Variants in LAP3 observed in about 807,000 individuals in gnomAD.
LAP3 encodes the protein leucine aminopeptidase 3.
In LAP3, 46 loss-of-function variants were observed where a neutral mutation model predicts 58.8. That is an observed-to-expected ratio of 0.78 (90% confidence interval 0.62 to 1.00). LAP3 has a LOEUF of 1.00. Among genes scored for constraint, LAP3 ranks in the 50% least tolerant of loss-of-function variants. LAP3 has a pLI of 0.00. For synonymous variants in LAP3, 257 were observed against 237.7 expected, an observed-to-expected ratio of 1.08 and a Z score of -0.75; for missense variants, 615 against 659.1, an observed-to-expected ratio of 0.93 and a Z score of 0.73.
intron 7 of LAP3, among the ~76,000 whole-genome samples, chr4:17,590,359 G>A (rs1018468126): frequency 6.6e-6 from 1 of 152,108 alleles, no homozygotes; most frequent in Non-Finnish European, 1.5e-5. Context: ...GGCATAGCTT[G>A]CTGTCAGTGT....
chr4:17,580,172 A>ATG, intron 2 of LAP3, among the ~76,000 whole-genome samples: 1 of 65,238 alleles, frequency 1.5e-5, no homozygotes, highest in African/African-American at 8.5e-5. Context: ...TTTCATATAT[A>ATG]TATATATATG....
chr4:17,597,548 C>T lies in LAP3; in HGVS notation c.1077+414C>T, dbSNP rs186619433. 6.6e-5 allele frequency among the ~76,000 whole-genome samples: 10 copies of T among 152,290 alleles called. No individual in the cohort carries two copies. In the East Asian group the frequency reaches 1.5e-3, roughly 24 times the overall value. On this transcript the variant is annotated intron_variant, in intron 9 of 12. Transcript: ENST00000226299. ...TCTCCCAAAGTGCTAGGATTACAGG[C>T]GCGAGCCACCATTCCCGGCCCCTGA...
intron 8 of LAP3, among the ~76,000 whole-genome samples, chr4:17,596,117 TC>T (rs1275308153): frequency 6.6e-6 from 1 of 152,150 alleles, no homozygotes; most frequent in Non-Finnish European, 1.5e-5. Flanking sequence ...AGAATTGGAA[TC>T]CAGGTCTCAG....
chr4:17,600,848 T>C (rs1713966996), intron 10 of LAP3, among the ~76,000 whole-genome samples: 1 of 152,204 alleles, frequency 6.6e-6, no homozygotes, highest in Non-Finnish European at 1.5e-5. Context: ...ACGTTAAAAG[T>C]TGGACTAGGC....
intron 7 of LAP3, among the ~76,000 whole-genome samples, chr4:17,595,080 C>T (rs1375148185): frequency 5.3e-5 from 8 of 151,224 alleles, no homozygotes; most frequent in Admixed American, 2.0e-4. Flanking sequence ...TGGCGGATCA[C>T]GAGGTCAGGA....
chr4:17,598,983 C>A (rs10034104), intron 10 of LAP3, among the ~76,000 whole-genome samples: 89,764 of 151,922 alleles, frequency 0.59, 27,672 homozygotes, highest in East Asian at 0.88. Flanking sequence ...GGTGATCCAC[C>A]CGCCTCAGCC....
chr4:17,598,433 T>C, intron 9 of LAP3, 23 bp from the exon 10 acceptor site: 1 of 1,542,924 alleles, frequency 6.5e-7, no homozygotes, highest in East Asian at 2.2e-5. Context: ...GCTGTCACCC[T>C]TTCTGTTTTT....
At chr4:17,607,311 C>G in intron 12 of LAP3, 89 bp from the exon 13 acceptor site, 5 of 1,105,656 alleles carry the variant, frequency 4.5e-6, no homozygotes, top group Non-Finnish European at 6.5e-6. Flanking sequence ...GACTCTTGTT[C>G]TTTGGTTATA....
At chr4:17,590,720 C>T (rs868841539) in intron 7 of LAP3, among the ~76,000 whole-genome samples, 25 of 151,148 alleles carry the variant, frequency 1.7e-4, no homozygotes, top group Middle Eastern at 3.4e-3. Flanking sequence ...TACAGGCCCC[C>T]GCCACCATGC....
intron 4 of LAP3, 93 bp from the exon 5 acceptor site, chr4:17,583,390 T>C: frequency 7.3e-7 from 1 of 1,363,832 alleles, no homozygotes; most frequent in Non-Finnish European, 1.0e-6. Flanking sequence ...ACCCCAGGGC[T>C]GTTTTCTCAG....
chr4:17,605,186 CACT>C (rs757294515), intron 11 of LAP3, among the ~76,000 whole-genome samples: 7 of 152,054 alleles, frequency 4.6e-5, no homozygotes, highest in East Asian at 3.9e-4. Flanking sequence ...ATGTCCACAC[CACT>C]GTTAGCCTAA....
chr4:17,592,246 C>T (rs1713703800), intron 7 of LAP3, among the ~76,000 whole-genome samples: 1 of 152,188 alleles, frequency 6.6e-6, no homozygotes, highest in South Asian at 2.1e-4. Flanking sequence ...AGTCATTCCC[C>T]ACCTGCCCTT....
chr4:17,579,137 A>G (rs562360377), intron 1 of LAP3, among the ~76,000 whole-genome samples: 171 of 152,320 alleles, frequency 1.1e-3, no homozygotes, highest in African/African-American at 3.9e-3. Flanking sequence ...TTTTTAAACA[A>G]AGAACAATGC....
intron 3 of LAP3, 73 bp downstream of exon 3, chr4:17,581,887 A>G: frequency 8.7e-7 from 1 of 1,152,298 alleles, no homozygotes; most frequent in Admixed American, 1.8e-5. Flanking sequence ...GGGGCTGTCT[A>G]GTCATACTAA....
chr4:17,596,437 T>C (rs1713833639), intron 8 of LAP3, among the ~76,000 whole-genome samples: 1 of 152,164 alleles, frequency 6.6e-6, no homozygotes, highest in African/African-American at 2.4e-5. Context: ...CCTCCCGGGT[T>C]CAAGTGATTC....
At chr4:17,587,944 A>ATT (rs796220201) in intron 6 of LAP3, among the ~76,000 whole-genome samples, 2 of 141,446 alleles carry the variant, frequency 1.4e-5, no homozygotes, top group African/African-American at 2.6e-5. Context: ...CTGTTGGTTG[A>ATT]TTTTTTTTTT....
chr4:17,588,951 TG>T lies in LAP3; in HGVS notation c.838del (p.Val280LeufsTer23). Reference sequence around the variant, plus strand: ...ATGCAAACGAACCACCCCTGGTGTTTGTTGGGAAAGGAATTACCTTTGACAG... The same window carrying T: ...ATGCAAACGAACCACCCCTGGTGTTTTTGGGAAAGGAATTACCTTTGACAG... ...PNANEPPLVFVGKGITFDSGG... is the reference protein window; with the variant it reads ...PNANEPPLVFXGKGITFDSGG... On this transcript the variant is annotated frameshift_variant, in exon 7 of 13. Transcript: ENST00000226299. LOFTEE classifies it high-confidence loss of function. 6.2e-7 allele frequency: 1 copy of T among 1,614,102 alleles called. No individual in the cohort carries two copies. The highest frequency in any genetic ancestry group is 8.5e-7 in the Non-Finnish European group (1 of 1,180,006).
Position 17,593,609 on chromosome 4 carries a change from G to GTTTTTTTTTTTTTTT in LAP3, c.864-1795_864-1781dup, listed in dbSNP as rs55676326. 3.1e-4 allele frequency among the ~76,000 whole-genome samples: 27 copies of GTTTTTTTTTTTTTTT among 87,598 alleles called. 2 individuals carry two copies. The highest frequency in any genetic ancestry group is 8.7e-4 in the East Asian group (2 of 2,300). The allele number at this position is 87,598 out of a possible 152,430, so 57.5% of individuals were successfully genotyped here. A position where few individuals can be genotyped will look rare whatever the true frequency, so the allele number is the denominator to read the frequency against. The stretch of plus-strand genomic sequence containing the variant: ...CATATACATTTTAGAATCTGCTTGG[G>GTTTTTTTTTTTTTTT]TTTTTTTTTTTTTTTTTTTTGAGAC... On this transcript the variant is annotated intron_variant, in intron 7 of 12. Transcript: ENST00000226299.
At chr4:17,596,091 A>G (rs958253368) in intron 8 of LAP3, among the ~76,000 whole-genome samples, 4 of 152,148 alleles carry the variant, frequency 2.6e-5, no homozygotes, top group Admixed American at 6.5e-5. Context: ...ACTCTTGTCC[A>G]TTGCACAAGG....
Sources: gnomAD v4.1 joint callset for allele counts (sites outside exome capture counted in the v4.1 genomes callset) on GRCh38, gnomAD v4.1.1 for gene constraint, MANE v1.5 for transcripts, NCBI Gene and HGNC (gene_info 2026-07-23, HGNC 2026-07-21) for gene names.